Variants in CYP11A1 observed in about 807,000 individuals in gnomAD.
CYP11A1 encodes cytochrome P450 family 11 subfamily A member 1.
Under a neutral mutation model 51.9 loss-of-function variants are expected in CYP11A1, and 25 were observed. The ratio of observed to expected loss-of-function variants is 0.48; its 90% confidence interval spans 0.35 to 0.67. CYP11A1 has a LOEUF of 0.67. Ranked by LOEUF, CYP11A1 falls within the 30% of genes least tolerant of loss-of-function variation. The pLI, the probability that CYP11A1 is intolerant of heterozygous loss-of-function variation, is 0.00. For synonymous variants in CYP11A1, 245 were observed against 262.1 expected, an observed-to-expected ratio of 0.93 and a Z score of 0.63; for missense variants, 578 against 680.9, an observed-to-expected ratio of 0.85 and a Z score of 1.68.
rs1487068107 is a variant in CYP11A1, at chr15:74,345,623, A to T, written c.426-380T>A. Among the ~76,000 whole-genome samples the T allele has an allele frequency of 6.6e-6, 1 of 151,948 alleles. No individual in the cohort carries two copies. Among genetic ancestry groups the T allele is most frequent in the Non-Finnish European group, 1.5e-5 (1 of 67,984 alleles). On this transcript the variant is annotated intron_variant, in intron 2 of 8. Coordinates refer to ENST00000268053, the MANE Select transcript of CYP11A1 (RefSeq NM_000781.3). This position sits in a 1 kb window ranked among gnomAD's most constrained non-coding sequence, Gnocchi z 4.3. ...TCCTCCTGGCCGATGCTCACCTTTG[A>T]CACTCCAGGGCCCCTCTATATAACA...
At position 74,338,066 on chromosome 15, in the gene CYP11A1, C is replaced by T. The variant is rs1440790311; in HGVS notation, c.1472G>A (p.Ser491Asn). ...ENFRVEIQHL[S>N]DVGTTFNLIL... ...GAGGTTGAATGTGGTGCCCACATCG[C>T]TGAGGTGTTGGATTTCAACTCTGAA... Residue 491 changes from serine (S) to asparagine (N), a missense_variant, in exon 9 of 9, where the codon AGC becomes AAC. Transcript: ENST00000268053. 1 of 1,614,174 alleles carries T rather than the reference C, an allele frequency of 6.2e-7. No homozygotes were observed. Among genetic ancestry groups the T allele is most frequent in the Non-Finnish European group, 8.5e-7 (1 of 1,180,012 alleles).
Position 74,367,596 on chromosome 15 carries a change from C to CA in CYP11A1, c.-12dup, listed in dbSNP as rs958165589. The CA allele has an allele frequency of 6.2e-7, 1 of 1,612,818 alleles. No homozygotes were observed. The highest frequency in any genetic ancestry group is 1.3e-5 in the African/African-American group (1 of 75,024). ...ACCCTTGGCCAGCATGCTGTCCCCACAGCTGTGACTGTACCTGCTCCACTT... is the reference window on the plus strand; with the variant it reads ...ACCCTTGGCCAGCATGCTGTCCCCACAAGCTGTGACTGTACCTGCTCCACTT... On this transcript the variant is annotated 5_prime_UTR_variant, in exon 1 of 9. Coordinates refer to ENST00000268053, the MANE Select transcript of CYP11A1 (RefSeq NM_000781.3).
intron 1 of CYP11A1, 22 bp from the exon 2 acceptor site, chr15:74,348,077 GC>G (rs1479603020): frequency 1.2e-6 from 2 of 1,613,174 alleles, no homozygotes; most frequent in Admixed American, 3.3e-5. Context: ...GGGGAGAGGG[GC>G]TGATGGAAGG....
Position 74,339,631 on chromosome 15 carries a change from T to C in CYP11A1, c.1113A>G (p.Leu371=). 1.9e-6 allele frequency: 3 copies of C among 1,614,118 alleles called. No homozygotes were observed. The highest frequency in any genetic ancestry group is 1.1e-5 in the South Asian group (1 of 91,076). The change falls in exon 6 of 9, where the codon CTA becomes CTG. Residue 371 remains leucine (L), a synonymous_variant. Transcript: ENST00000268053. ...HQAQGDMATM[L]QLVPLLKASI... ...TGGCTTTGAGGAGGGGGACCAGCTGTAGCATCGTGGCCATGTCTCCCTGGG... is the reference window on the plus strand; with the variant it reads ...TGGCTTTGAGGAGGGGGACCAGCTGCAGCATCGTGGCCATGTCTCCCTGGG...
chr15:74,355,921 C>T (rs563499256), intron 1 of CYP11A1, among the ~76,000 whole-genome samples: 2 of 152,332 alleles, frequency 1.3e-5, no homozygotes, highest in African/African-American at 4.8e-5. Flanking sequence ...GTCTTATTCT[C>T]AATATGCATT....
In CYP11A1 at chr15:74,367,556, T is replaced by G; in HGVS notation, c.30A>C (p.Ser10=). The G allele has an allele frequency of 6.2e-7, 1 of 1,614,110 alleles. No individual in the cohort carries two copies. Among genetic ancestry groups the G allele is most frequent in the Non-Finnish European group, 8.5e-7 (1 of 1,180,010 alleles). MLAKGLPPR[S]VLVKGCQTFL... Reference sequence around the variant, plus strand: ...AGGTCTGGCAGCCTTTGACCAGGACTGAGCGTGGGGGAAGACCCTTGGCCA... The same window carrying G: ...AGGTCTGGCAGCCTTTGACCAGGACGGAGCGTGGGGGAAGACCCTTGGCCA... Residue 10 remains serine, a synonymous_variant, in exon 1 of 9, where the codon TCA becomes TCC. Coordinates refer to ENST00000268053, the MANE Select transcript of CYP11A1 (RefSeq NM_000781.3).
intron 2 of CYP11A1, among the ~76,000 whole-genome samples, chr15:74,346,853 T>A (rs541920267): frequency 6.7e-6 from 1 of 150,222 alleles, no homozygotes; most frequent in East Asian, 2.0e-4. Flanking sequence ...CAGCCTGGAG[T>A]GCAGTGGTGC....
chr15:74,339,627 G>C lies in CYP11A1; in HGVS notation c.1117C>G (p.Leu373Val), dbSNP rs1347157980. ...ATGCTGGCTTTGAGGAGGGGGACCA[G>C]CTGTAGCATCGTGGCCATGTCTCCC... ...AQGDMATMLQ[L>V]VPLLKASIKE... is the part of the protein sequence containing the mutation. Residue 373 changes from leucine to valine, a missense_variant, in exon 6 of 9, where the codon CTG becomes GTG. Coordinates refer to ENST00000268053, the MANE Select transcript of CYP11A1 (RefSeq NM_000781.3). 4.3e-6 allele frequency: 7 copies of C among 1,614,084 alleles called. No individual in the cohort carries two copies. The highest frequency in any genetic ancestry group is 5.9e-6 in the Non-Finnish European group (7 of 1,180,024).
intron 1 of CYP11A1, chr15:74,365,311 CA>C (rs59979747): frequency 0.63 from 77,137 of 123,138 alleles, 22,420 homozygotes; most frequent in Middle Eastern, 0.71. Context: ...GGCCCAAAGA[CA>C]AAAAAAAAAA....
intron 1 of CYP11A1, chr15:74,365,886 C>T (rs2060730088): frequency 4.3e-5 from 42 of 985,460 alleles, no homozygotes; most frequent in Non-Finnish European, 4.9e-5. Context: ...GCAGGGCCAG[C>T]GAAGCCAGTG....
intron 1 of CYP11A1, among the ~76,000 whole-genome samples, chr15:74,355,525 C>T (rs372096045): frequency 1.7e-4 from 26 of 152,166 alleles, no homozygotes; most frequent in African/African-American, 2.4e-4. Context: ...CCTTTTCTAC[C>T]GACCCATCTG....
At chr15:74,350,917 G>C (rs940701521) in intron 1 of CYP11A1, 3 of 152,192 alleles carry the variant, frequency 2.0e-5, no homozygotes, top group Admixed American at 6.5e-5. Context: ...CATGTATTTT[G>C]GCCAGCCAGC....
intron 1 of CYP11A1, chr15:74,366,199 G>C (rs563021537): frequency 1.0e-6 from 1 of 985,472 alleles, no homozygotes; most frequent in African/African-American, 1.7e-5. Flanking sequence ...AGGAATGCTG[G>C]GTCTGTCGCT....
At position 74,366,084 on chromosome 15, in the gene CYP11A1, A is replaced by T. The variant is rs1445096612; in HGVS notation, c.269+1233T>A. On this transcript the variant is annotated intron_variant, in intron 1 of 8. Transcript: ENST00000268053. ...GATGGGCTCGGGCTGTGTCGAGGGG[A>T]GGCGGAGGTGAGCGACCCGCGAAGA... 3 of 985,262 alleles carry T rather than the reference A, an allele frequency of 3.0e-6. No homozygotes were observed. The Admixed American group carries it at 1.8e-4, about 61-fold the overall frequency. The allele number at this position is 985,262 out of a possible 1,614,324, so 61.0% of individuals were successfully genotyped here. A position where few individuals can be genotyped will look rare whatever the true frequency, so the allele number is the denominator to read the frequency against.
rs2060597747 is a variant in CYP11A1, at chr15:74,339,710, T to C, written c.1034A>G (p.Asn345Ser). 1 of 1,613,982 alleles carries C rather than the reference T, an allele frequency of 6.2e-7. No homozygotes were observed. The highest frequency in any genetic ancestry group is 8.5e-7 in the Non-Finnish European group (1 of 1,180,014). ...CCGCAGCATATCCTGCACCTTCAGG[T>C]TGCGTGCCATCTCATACAAGTGCCA... ...LQWHLYEMAR[N>S]LKVQDMLRAE... is the part of the protein sequence containing the mutation. The change falls in exon 6 of 9, where the codon AAC becomes AGC. Residue 345 changes from asparagine (N) to serine (S), a missense_variant. By Grantham distance (46) the Asn-to-Ser change is conservative. Transcript: ENST00000268053.
In CYP11A1 at chr15:74,343,000, T is replaced by A; in HGVS notation, c.967A>T (p.Met323Leu). 6.2e-7 allele frequency: 1 copy of A among 1,612,582 alleles called. No homozygotes were observed. The highest frequency in any genetic ancestry group is 8.5e-7 in the Non-Finnish European group (1 of 1,180,026). The part of the protein sequence containing the change: ...FEDIKANVTE[M>L]LAGGVDTTSM... ...ACCGTGTCCACCCCTCCTGCCAGCA[T>A]CTCTGTGACGTTGGCCTTGATGTCC... is the stretch of plus-strand genomic sequence containing the variant. The change falls in exon 5 of 9, where the codon ATG becomes TTG. Residue 323 changes from methionine to leucine, a missense_variant. Coordinates refer to ENST00000268053, the MANE Select transcript of CYP11A1 (RefSeq NM_000781.3).
At chr15:74,355,939 C>G (rs2060677441) in intron 1 of CYP11A1, among the ~76,000 whole-genome samples, 1 of 152,176 alleles carries the variant, frequency 6.6e-6, no homozygotes, top group African/African-American at 2.4e-5. Flanking sequence ...ATTTTATCAC[C>G]CAGTCAGCCC....
chr15:74,352,538 G>A (rs1399206002), intron 1 of CYP11A1, among the ~76,000 whole-genome samples: 1 of 152,050 alleles, frequency 6.6e-6, no homozygotes, highest in African/African-American at 2.4e-5. Flanking sequence ...CAAAGCACTG[G>A]GATTACAGGC....
In CYP11A1 at chr15:74,356,403, A is replaced by G. The variant is rs372940919; in HGVS notation, c.270-8348T>C. The G allele has an allele frequency of 5.3e-5, 8 of 152,358 alleles. No individual in the cohort carries two copies. In the East Asian group the frequency reaches 1.2e-3, roughly 22 times the overall value. 9.4% of individuals were successfully genotyped at this position (152,358 alleles called of 1,614,324 possible). On this transcript the variant is annotated intron_variant, in intron 1 of 8. Transcript: ENST00000268053. ...GATCTTCTCCGCTTAGCGGCTGAAGACTGATGCTGCCCAATCGCCTCAGAA... is the reference window on the plus strand; with the variant it reads ...GATCTTCTCCGCTTAGCGGCTGAAGGCTGATGCTGCCCAATCGCCTCAGAA...
Sources: allele counts gnomAD v4.1 joint callset (sites outside exome capture counted in the v4.1 genomes callset), GRCh38; gene constraint gnomAD v4.1.1; non-coding constraint Gnocchi (gnomAD v3.1); transcripts MANE v1.5; gene names NCBI Gene and HGNC (gene_info 2026-07-23, HGNC 2026-07-21).